HYKK: variants seen among roughly 807,000 people sequenced by gnomAD.
HYKK encodes the protein hydroxylysine kinase.
Under a neutral mutation model 29.7 loss-of-function variants are expected in HYKK, and 19 were observed. The ratio of observed to expected loss-of-function variants is 0.64; its 90% CI spans 0.45 to 0.94. The LOEUF (loss-of-function observed/expected upper bound fraction) is 0.94. HYKK is among the 40% of genes least tolerant of loss of function. The pLI, the probability that HYKK is intolerant of heterozygous loss-of-function variation, is 0.00. For missense variants in HYKK, 390 were observed against 443.4 expected, an observed-to-expected ratio of 0.88 and a Z score of 1.08; for synonymous variants, 152 against 158.1, an observed-to-expected ratio of 0.96 and a Z score of 0.29.
intron 3 of HYKK, chr15:78,518,750 A>G (rs771528066): frequency 6.1e-6 from 2 of 330,186 alleles, no homozygotes; most frequent in Non-Finnish European, 6.1e-6. Context: ...AACCCCATCT[A>G]CTAAAAATAC....
At chr15:78,517,900 G>A (rs1157122788) in intron 3 of HYKK, among the ~76,000 whole-genome samples, 1 of 152,152 alleles carries the variant, frequency 6.6e-6, no homozygotes, top group African/African-American at 2.4e-5. Flanking sequence ...ATCTTTTCAG[G>A]TGGCTCGTTC....
chr15:78,530,288 C>T (rs1415274229), intron 4 of HYKK, among the ~76,000 whole-genome samples: 3 of 151,742 alleles, frequency 2.0e-5, no homozygotes, highest in Non-Finnish European at 4.4e-5. Flanking sequence ...GCAACGTCCA[C>T]CTCCTGGGTT....
chr15:78,509,139 ACT>A (rs1281622063), intron 1 of HYKK, among the ~76,000 whole-genome samples: 1 of 152,040 alleles, frequency 6.6e-6, no homozygotes. Flanking sequence ...GTTTTTATTT[ACT>A]CTCAAGAGTT....
chr15:78,514,241 C>G (rs1334358388), intron 2 of HYKK, among the ~76,000 whole-genome samples: 2 of 152,084 alleles, frequency 1.3e-5, no homozygotes, highest in African/African-American at 4.8e-5. Context: ...TTTGTCATTA[C>G]TGTATATGTG....
At chr15:78,511,183 T>G (rs1014429866) in intron 1 of HYKK, among the ~76,000 whole-genome samples, 22 of 152,156 alleles carry the variant, frequency 1.4e-4, no homozygotes, top group African/African-American at 5.1e-4. Context: ...CAGCTCACCC[T>G]CACGATGTTA....
intron 3 of HYKK, among the ~76,000 whole-genome samples, chr15:78,525,127 A>C (rs2052236836): frequency 6.6e-6 from 1 of 151,992 alleles, no homozygotes; most frequent in Admixed American, 6.6e-5. Context: ...ACTGAAATCC[A>C]TTTAGAGGAA....
chr15:78,533,261 A>G lies in HYKK; in HGVS notation c.713A>G (p.Lys238Arg). 1 of 1,613,822 alleles carries G rather than the reference A, an allele frequency of 6.2e-7. No individual in the cohort carries two copies. Among genetic ancestry groups the G allele is most frequent in the Non-Finnish European group, 8.5e-7 (1 of 1,179,678 alleles). Residue 238 changes from lysine (K) to arginine (R), a missense_variant, in exon 5 of 5, where the codon AAG becomes AGG. By Grantham distance (26) the Lys-to-Arg change is conservative. Coordinates refer to ENST00000388988, the MANE Select transcript of HYKK (RefSeq NM_001013619.4). ...NDHNILIESS[K>R]SASGNAEYQV... ...CATAATATTTTAATAGAGTCCAGCA[A>G]GTCAGCCTCTGGAAATGCTGAATAT...
chr15:78,513,081 T>G lies in HYKK; in HGVS notation c.-5-3T>G. Reference sequence around the variant, plus strand: ...TTCTGTTTGTTGCTTTTTGTTCCCCTAGACATAATGTCAAGTGGAAACTAT... The same window carrying G: ...TTCTGTTTGTTGCTTTTTGTTCCCCGAGACATAATGTCAAGTGGAAACTAT... On this transcript the variant is annotated splice_region_variant and splice_polypyrimidine_tract_variant and intron_variant, in intron 1 of 4. Coordinates refer to ENST00000388988, the MANE Select transcript of HYKK (RefSeq NM_001013619.4). The G allele has an allele frequency of 6.4e-7, 1 of 1,562,740 alleles. No individual in the cohort carries two copies. The highest frequency in any genetic ancestry group is 8.8e-7 in the Non-Finnish European group (1 of 1,136,434).
At chr15:78,514,889 C>CTCTGTCT in intron 2 of HYKK, 79 bp from the exon 3 acceptor site, 1 of 206,746 alleles carries the variant, frequency 4.8e-6, no homozygotes. Flanking sequence ...TATCTAAATA[C>CTCTGTCT]CTCTCTCTCT....
At chr15:78,512,970 T>A in intron 1 of HYKK, 114 bp from the exon 2 acceptor site, 1 of 631,286 alleles carries the variant, frequency 1.6e-6, no homozygotes, top group Non-Finnish European at 2.8e-6. Flanking sequence ...AACTTAACAA[T>A]CAAAAGAAGT....
chr15:78,512,983 A>T, intron 1 of HYKK, 101 bp from the exon 2 acceptor site: 3 of 657,384 alleles, frequency 4.6e-6, no homozygotes, highest in Middle Eastern at 4.2e-4. Context: ...AAAGAAGTAC[A>T]GAATCAACAG....
chr15:78,527,847 C>T lies in HYKK; in HGVS notation c.661+284C>T, dbSNP rs570776151. 189 of 705,448 alleles carry T rather than the reference C, an allele frequency of 2.7e-4. 3 individuals are homozygous for T. The South Asian group carries it at 6.0e-3, about 22-fold the overall frequency. 43.7% of individuals were successfully genotyped at this position (705,448 alleles called of 1,614,324 possible). A position where few individuals can be genotyped will look rare whatever the true frequency, so the allele number is the denominator to read the frequency against. On this transcript the variant is annotated intron_variant, in intron 4 of 4. Coordinates refer to ENST00000388988, the MANE Select transcript of HYKK (RefSeq NM_001013619.4). ...TATAGTAGGGTTTGTGTTTTTCAAA[C>T]TTTATATCAATGGTATCACACTGTG... is the stretch of plus-strand genomic sequence containing the variant.
At chr15:78,512,667 G>T (rs951107098) in intron 1 of HYKK, among the ~76,000 whole-genome samples, 1 of 152,066 alleles carries the variant, frequency 6.6e-6, no homozygotes, top group African/African-American at 2.4e-5. Context: ...CTCCCAAAGT[G>T]CTGGGATTAC....
chr15:78,527,285 C>CA (rs564443255), intron 3 of HYKK, 95 bp from the exon 4 acceptor site: 115,950 of 752,014 alleles, frequency 0.15, 4,391 homozygotes, highest in Middle Eastern at 0.2. Flanking sequence ...GACTCTGTCT[C>CA]AAAAAAAAAA....
intron 3 of HYKK, among the ~76,000 whole-genome samples, chr15:78,524,763 C>T (rs755515475): frequency 5.9e-5 from 9 of 152,026 alleles, no homozygotes; most frequent in South Asian, 4.1e-4. Flanking sequence ...GAGCCAGGAT[C>T]GCGCCACTGC....
At chr15:78,525,075 T>G (rs555612689) in intron 3 of HYKK, among the ~76,000 whole-genome samples, 28 of 152,252 alleles carry the variant, frequency 1.8e-4, no homozygotes, top group Non-Finnish European at 3.8e-4. Context: ...ATAAGAGAAT[T>G]ATCAGGGGAA....
intron 3 of HYKK, among the ~76,000 whole-genome samples, chr15:78,517,325 A>G (rs562171660): frequency 1.3e-5 from 2 of 152,112 alleles, no homozygotes; most frequent in South Asian, 4.2e-4. Flanking sequence ...CTGTAATCCC[A>G]GCACTTTGGG....
At position 78,535,785 on chromosome 15, in the gene HYKK, A is replaced by G. The variant is rs1219519115; in HGVS notation, c.*2115A>G. 1 of 151,478 alleles carries G rather than the reference A, an allele frequency of 6.6e-6. No homozygotes were observed. Among genetic ancestry groups the G allele is most frequent in the Non-Finnish European group, 1.5e-5 (1 of 67,928 alleles). 9.4% of individuals were successfully genotyped at this position (151,478 alleles called of 1,614,324 possible). ...GACGCTGGAGTGCAGTGGTGTGATC[A>G]CAGCTCACTGCAACCTCTACCTCCT... is the stretch of plus-strand genomic sequence containing the variant. On this transcript the variant is annotated 3_prime_UTR_variant, in exon 5 of 5. Coordinates refer to ENST00000388988, the MANE Select transcript of HYKK (RefSeq NM_001013619.4).
chr15:78,532,927 G>A (rs992309250), intron 4 of HYKK, among the ~76,000 whole-genome samples: 1 of 152,190 alleles, frequency 6.6e-6, no homozygotes, highest in African/African-American at 2.4e-5. Context: ...GGTTTAAGCA[G>A]TTCTTTTCAC....
Sources: gnomAD v4.1 joint callset for allele counts (sites outside exome capture counted in the v4.1 genomes callset) on GRCh38, gnomAD v4.1.1 for gene constraint, MANE v1.5 for transcripts, NCBI Gene and HGNC (gene_info 2026-07-23, HGNC 2026-07-21) for gene names.